NELL1: variants seen among roughly 807,000 people sequenced by gnomAD.
NELL1 encodes the protein protein kinase C-binding protein NELL1.
In NELL1, 76 loss-of-function variants were observed where a neutral mutation model predicts 107.4. That is an observed-to-expected ratio of 0.71 (90% CI 0.59 to 0.86). The LOEUF is 0.86. NELL1 is among the 40% of genes least tolerant of loss of function. The probability of loss-of-function intolerance (pLI) is 0.00; values close to 1 mark genes in which losing one functional copy is unlikely to be tolerated. For missense variants in NELL1, 1,024 were observed against 1,005.5 expected (o/e 1.02, Z -0.25); for synonymous variants, 353 against 341.2 (o/e 1.03, Z -0.38).
At chr11:20,921,915 C>A (rs969307471) in intron 7 of NELL1, among the ~76,000 whole-genome samples, 1 of 150,682 alleles carries the variant, frequency 6.6e-6, no homozygotes, top group Non-Finnish European at 1.5e-5. Context: ...TATTTTCAAA[C>A]CAGATTGCTC....
At chr11:20,705,651 C>T (rs1203739433) in intron 2 of NELL1, among the ~76,000 whole-genome samples, 1 of 142,302 alleles carries the variant, frequency 7.0e-6, no homozygotes, top group African/African-American at 2.7e-5. Flanking sequence ...CAACAAAAGC[C>T]AAAATTGACA....
intron 4 of NELL1, among the ~76,000 whole-genome samples, chr11:20,871,642 T>TTTTA (rs10656291): frequency 2.0e-5 from 3 of 150,824 alleles, no homozygotes; most frequent in Non-Finnish European, 4.4e-5. Context: ...ATTTTTTTTT[T>TTTTA]ATTCATGTAG....
At chr11:21,503,497 G>C (rs1373416481) in intron 15 of NELL1, among the ~76,000 whole-genome samples, 3 of 152,134 alleles carry the variant, frequency 2.0e-5, no homozygotes, top group African/African-American at 7.2e-5. Flanking sequence ...TCTTGGGCAA[G>C]TTCTCCTATC....
intron 3 of NELL1, among the ~76,000 whole-genome samples, chr11:20,787,693 A>G (rs1365053385): frequency 6.6e-6 from 1 of 152,198 alleles, no homozygotes; most frequent in Non-Finnish European, 1.5e-5. Flanking sequence ...AGTATTTGAA[A>G]CAATTGGGAT....
chr11:20,804,248 A>G (rs900940898), intron 3 of NELL1, among the ~76,000 whole-genome samples: 5 of 151,866 alleles, frequency 3.3e-5, no homozygotes, highest in Non-Finnish European at 7.4e-5. Flanking sequence ...TTGTTTATCC[A>G]TTTTTGAGAT....
At chr11:20,795,345 T>C (rs1304484431) in intron 3 of NELL1, among the ~76,000 whole-genome samples, 2 of 152,334 alleles carry the variant, frequency 1.3e-5, no homozygotes, top group East Asian at 3.9e-4. Flanking sequence ...ATAGGCTCTT[T>C]TATGTAATGG....
At chr11:20,704,900 C>A (rs545332806) in intron 2 of NELL1, among the ~76,000 whole-genome samples, 15 of 152,264 alleles carry the variant, frequency 9.9e-5, no homozygotes, top group African/African-American at 3.6e-4. Context: ...CATGAGTGAA[C>A]TCCCATTCAC....
chr11:21,424,951 C>T (rs1852783399), intron 15 of NELL1, among the ~76,000 whole-genome samples: 1 of 152,114 alleles, frequency 6.6e-6, no homozygotes, highest in Non-Finnish European at 1.5e-5. Context: ...GCCAGGAGTA[C>T]TTTGATACCA....
intron 17 of NELL1, among the ~76,000 whole-genome samples, chr11:21,569,072 A>C (rs964860951): frequency 6.6e-6 from 1 of 151,804 alleles, no homozygotes; most frequent in African/African-American, 2.4e-5. Flanking sequence ...CACATGCATG[A>C]GTAATACAGT....
intron 12 of NELL1, among the ~76,000 whole-genome samples, chr11:21,036,127 T>C (rs754716196): frequency 1.3e-5 from 2 of 152,046 alleles, no homozygotes; most frequent in Non-Finnish European, 2.9e-5. Flanking sequence ...AATGCAGTCT[T>C]ATTCACAATT....
chr11:20,681,138 G>A (rs1380467767), intron 2 of NELL1, among the ~76,000 whole-genome samples: 2 of 152,124 alleles, frequency 1.3e-5, no homozygotes, highest in African/African-American at 4.8e-5. Flanking sequence ...CTGATAGTGT[G>A]TCTCCTTTTA....
intron 15 of NELL1, among the ~76,000 whole-genome samples, chr11:21,457,909 G>A (rs1394457924): frequency 6.6e-6 from 1 of 152,188 alleles, no homozygotes; most frequent in South Asian, 2.1e-4. Context: ...TAAAGGTAAT[G>A]TGTGGAAAAT....
intron 13 of NELL1, among the ~76,000 whole-genome samples, chr11:21,159,976 G>A (rs139370504): frequency 1.9e-3 from 289 of 152,296 alleles, no homozygotes; most frequent in African/African-American, 5.8e-3. Context: ...ATGTCCGTTC[G>A]TGATTCTTAA....
chr11:21,551,642 T>G (rs1254120451), intron 16 of NELL1, among the ~76,000 whole-genome samples: 1 of 151,614 alleles, frequency 6.6e-6, no homozygotes, highest in Non-Finnish European at 1.5e-5. Context: ...AAACAACAGG[T>G]GCTGGAAAGG....
chr11:21,082,757 T>C (rs1854299729), intron 12 of NELL1, among the ~76,000 whole-genome samples: 2 of 152,236 alleles, frequency 1.3e-5, no homozygotes, highest in Non-Finnish European at 2.9e-5. Flanking sequence ...ACAAGCTCTA[T>C]ATTCTCACTC....
intron 4 of NELL1, among the ~76,000 whole-genome samples, chr11:20,867,731 A>G (rs1849122080): frequency 6.6e-6 from 1 of 152,190 alleles, no homozygotes; most frequent in African/African-American, 2.4e-5. Context: ...GTTTCTGCCT[A>G]TGCCAAAAGG....
At chr11:21,568,201 A>G (rs955771261) in intron 17 of NELL1, among the ~76,000 whole-genome samples, 1 of 151,872 alleles carries the variant, frequency 6.6e-6, no homozygotes, top group Non-Finnish European at 1.5e-5. Flanking sequence ...TTAGTATTGT[A>G]GGCAATTGTA....
intron 12 of NELL1, among the ~76,000 whole-genome samples, chr11:20,983,724 C>A (rs1251645233): frequency 6.6e-6 from 1 of 152,088 alleles, no homozygotes. Context: ...GTGGTGGCCT[C>A]TTCACTTCCT....
chr11:21,199,895 T>C (rs567845985), intron 13 of NELL1, among the ~76,000 whole-genome samples: 37 of 145,512 alleles, frequency 2.5e-4, no homozygotes, highest in African/African-American at 9.1e-4. Flanking sequence ...GAACATGCGG[T>C]GTTTGGTTTT....
Sources: allele counts gnomAD v4.1 joint callset (sites outside exome capture counted in the v4.1 genomes callset), GRCh38; gene constraint gnomAD v4.1.1; transcripts MANE v1.5; gene names NCBI Gene and HGNC (gene_info 2026-07-23, HGNC 2026-07-21).